Variants in BICRA observed in about 807,000 individuals in gnomAD.
The protein encoded by BICRA is BRD4 interacting chromatin remodeling complex associated protein, also known as BRD4-interacting chromatin-remodeling complex-associated protein.
BICRA carries 31 observed loss-of-function variants against 96.9 expected under a neutral mutation model. The observed-to-expected ratio is 0.32, with a 90% CI of 0.24 to 0.43. The LOEUF is 0.43. Among genes scored for constraint, BICRA ranks in the 20% least tolerant of loss-of-function variants. The pLI is 1.00. For synonymous variants in BICRA, 1,350 were observed against 1,071.8 expected (o/e 1.26, Z -5.07); for missense variants, 2,283 against 2,190.3 (o/e 1.04, Z -0.84).
intron 1 of BICRA, among the ~76,000 whole-genome samples, chr19:47,612,419 A>AT (rs1971921836): frequency 6.6e-6 from 1 of 151,930 alleles, no homozygotes; most frequent in Non-Finnish European, 1.5e-5. Context: ...GTCTCAAAAA[A>AT]AAAAAATAAA....
At chr19:47,692,279 T>G (rs1251234244) in intron 7 of BICRA, among the ~76,000 whole-genome samples, 3 of 151,746 alleles carry the variant, frequency 2.0e-5, no homozygotes, top group Non-Finnish European at 4.4e-5. Context: ...CAGGCTGGAG[T>G]GCAGTGGCGC....
intron 9 of BICRA, 23 bp from the exon 10 acceptor site, chr19:47,695,342 T>TCGGGGGGGCCCCCCC: frequency 1.6e-5 from 10 of 630,164 alleles, no homozygotes; most frequent in Non-Finnish European, 2.5e-5. Flanking sequence ...AGGCCCTGTC[T>TCGGGGGGGCCCCCCC]CCCCCACCCC....
intron 7 of BICRA, among the ~76,000 whole-genome samples, chr19:47,688,586 C>G (rs181040626): frequency 6.6e-6 from 1 of 151,878 alleles, no homozygotes; most frequent in Admixed American, 6.6e-5. Flanking sequence ...GTCAAGATAT[C>G]GAGACCATCC....
chr19:47,655,866 TAAAA>T (rs1972609125), intron 1 of BICRA, among the ~76,000 whole-genome samples: 1 of 113,982 alleles, frequency 8.8e-6, no homozygotes, highest in African/African-American at 3.5e-5. Context: ...AAAAAAAAAA[TAAAA>T]ATAAAAATAA....
chr19:47,681,421 C>T (rs1973057798), intron 6 of BICRA, 145 bp downstream of exon 6: 1 of 756,972 alleles, frequency 1.3e-6, no homozygotes. Flanking sequence ...ACAGGTGGCC[C>T]CTAAGAGGAG....
intron 5 of BICRA, among the ~76,000 whole-genome samples, chr19:47,676,581 C>T (rs1185409245): frequency 1.9e-5 from 2 of 103,680 alleles, no homozygotes; most frequent in African/African-American, 3.5e-5. Context: ...CCCCCCTCCC[C>T]GCCTCCCCTT....
chr19:47,685,175 T>TG (rs1273255633), intron 7 of BICRA, among the ~76,000 whole-genome samples: 1 of 151,538 alleles, frequency 6.6e-6, no homozygotes, highest in African/African-American at 2.4e-5. Flanking sequence ...GGGGGAGATA[T>TG]GGGGTCTCAC....
At chr19:47,682,721 G>A (rs1973085573) in intron 7 of BICRA, among the ~76,000 whole-genome samples, 1 of 151,148 alleles carries the variant, frequency 6.6e-6, no homozygotes, top group Non-Finnish European at 1.5e-5. Flanking sequence ...ACCCAGGCTG[G>A]AGTGCAGTGG....
At chr19:47,644,438 TCCTC>T (rs532279320) in intron 1 of BICRA, among the ~76,000 whole-genome samples, 1,475 of 128,742 alleles carry the variant, frequency 0.011, 37 homozygotes, top group African/African-American at 0.042. Context: ...CTCCCTCCCT[TCCTC>T]CCTCCCTCCC....
At chr19:47,632,415 G>C (rs183573999) in intron 1 of BICRA, among the ~76,000 whole-genome samples, 6 of 152,298 alleles carry the variant, frequency 3.9e-5, no homozygotes, top group Admixed American at 2.6e-4. Flanking sequence ...TCCTACCTCC[G>C]ATCTCAAGAA....
chr19:47,612,504 C>A (rs2974224), intron 1 of BICRA, among the ~76,000 whole-genome samples: 128,041 of 151,802 alleles, frequency 0.84, 54,054 homozygotes, highest in Middle Eastern at 0.88. Flanking sequence ...GGGAAGGCCA[C>A]CTGCAAACGA....
intron 1 of BICRA, among the ~76,000 whole-genome samples, chr19:47,667,480 G>C (rs1599835929): frequency 6.6e-6 from 1 of 152,136 alleles, no homozygotes; most frequent in Non-Finnish European, 1.5e-5. Flanking sequence ...TAGGTAGGTC[G>C]TGCACAGAGC....
chr19:47,673,694 C>T lies in BICRA; in HGVS notation c.42-26C>T. 1.9e-6 allele frequency: 3 copies of T among 1,604,020 alleles called. No homozygotes were observed. The South Asian group carries it at 3.3e-5, about 18-fold the overall frequency. On this transcript the variant is annotated intron_variant, in intron 3 of 14. Coordinates refer to ENST00000594866, the MANE Select transcript of BICRA (RefSeq NM_001394372.1). Reference sequence around the variant, plus strand: ...TCCCCTCCCCAGCTCCTTACCTCCTCAGCGTCTCTTCCTCTTCTCTTCCAG... The same window carrying T: ...TCCCCTCCCCAGCTCCTTACCTCCTTAGCGTCTCTTCCTCTTCTCTTCCAG...
intron 1 of BICRA, among the ~76,000 whole-genome samples, chr19:47,610,178 G>C (rs928349622): frequency 5.9e-5 from 9 of 152,204 alleles, no homozygotes; most frequent in Non-Finnish European, 1.0e-4. Context: ...GCCAGGCCGC[G>C]GGCACCCGGA....
chr19:47,620,755 T>TC (rs1166987144), intron 1 of BICRA, among the ~76,000 whole-genome samples: 2 of 148,030 alleles, frequency 1.4e-5, no homozygotes, highest in Non-Finnish European at 3.0e-5. Context: ...ATCCCTGGGC[T>TC]CCACACAGAC....
At chr19:47,611,873 A>ATTT (rs748794734) in intron 1 of BICRA, among the ~76,000 whole-genome samples, 1 of 143,362 alleles carries the variant, frequency 7.0e-6, no homozygotes, top group Non-Finnish European at 1.5e-5. Context: ...GTGGCATTTA[A>ATTT]TTTTTTTTTT....
At position 47,679,762 on chromosome 19, in the gene BICRA, C is replaced by T. The variant is rs1275397599; in HGVS notation, c.592C>T (p.Leu198=). ...VNKALSVQPF[L]QPVGLGNVTL... ...CAAGGCCCTGAGTGTGCAGCCCTTC[C>T]TGCAGCCTGTGGGCCTGGGCAATGT... Residue 198 remains leucine, a synonymous_variant, in exon 6 of 15, where the codon CTG becomes TTG. Transcript: ENST00000594866. The T allele has an allele frequency of 1.3e-6, 2 of 1,521,478 alleles. No homozygotes were observed. The highest frequency in any genetic ancestry group is 1.4e-5 in the African/African-American group (1 of 71,964). The allele number at this position is 1,521,478 out of a possible 1,614,324, so 94.2% of individuals were successfully genotyped here.
At chr19:47,657,551 C>G (rs1972638054) in intron 1 of BICRA, among the ~76,000 whole-genome samples, 1 of 152,052 alleles carries the variant, frequency 6.6e-6, no homozygotes, top group Non-Finnish European at 1.5e-5. Context: ...TACCCACCAC[C>G]ACTCCCGGCT....
At chr19:47,636,451 C>T (rs1281074429) in intron 1 of BICRA, among the ~76,000 whole-genome samples, 2 of 152,142 alleles carry the variant, frequency 1.3e-5, no homozygotes, top group Non-Finnish European at 2.9e-5. Flanking sequence ...TCAAGTGATC[C>T]TCCTGCCTGG....
Sources: allele counts gnomAD v4.1 joint callset (sites outside exome capture counted in the v4.1 genomes callset), GRCh38; gene constraint gnomAD v4.1.1; transcripts MANE v1.5; gene names NCBI Gene and HGNC (gene_info 2026-07-23, HGNC 2026-07-21).